The following RBFOX1 variants were observed in gnomAD, a reference collection of about 807,000 sequenced individuals.
RBFOX1 encodes the protein RNA binding fox-1 homolog 1.
A neutral mutation model predicts 57.7 loss-of-function variants in RBFOX1; 8 were observed. The ratio of observed to expected loss-of-function variants is 0.14; its 90% confidence interval spans 0.08 to 0.25. The LOEUF (loss-of-function observed/expected upper bound fraction) is 0.25. Ranked by LOEUF, RBFOX1 falls within the 10% of genes least tolerant of loss-of-function variation. RBFOX1 has a pLI of 1.00. For missense variants in RBFOX1, 611 were observed against 548.5 expected, an observed-to-expected ratio of 1.11 and a Z score of -1.14; for synonymous variants, 326 against 222.4, an observed-to-expected ratio of 1.47 and a Z score of -4.15.
intron 1 of RBFOX1, among the ~76,000 whole-genome samples, chr16:5,371,055 C>T (rs1208201208): frequency 1.3e-5 from 2 of 152,242 alleles, no homozygotes; most frequent in African/African-American, 4.8e-5. Context: ...TCAGGCGATT[C>T]TCCTGCCTTA....
intron 4 of RBFOX1, among the ~76,000 whole-genome samples, chr16:7,479,216 C>G (rs137892400): frequency 6.7e-6 from 1 of 150,372 alleles, no homozygotes; most frequent in Non-Finnish European, 1.5e-5. Flanking sequence ...TTCTGCCTCC[C>G]GAGTTGAGGC....
chr16:6,687,505 AT>A (rs1442920202), intron 3 of RBFOX1, among the ~76,000 whole-genome samples: 3 of 152,350 alleles, frequency 2.0e-5, no homozygotes, highest in African/African-American at 7.2e-5. Flanking sequence ...GCTAGTCAGG[AT>A]AAGCTAGTCT....
intron 3 of RBFOX1, among the ~76,000 whole-genome samples, chr16:6,779,743 TTATATATACTTTTATATATTTA>T (rs2080045284): frequency 9.2e-5 from 4 of 43,660 alleles, no homozygotes; most frequent in African/African-American, 3.4e-4. Context: ...TTATATATTT[TTATATATACTTTTATATATTTA>T]TATATATATT....
chr16:5,339,335 A>C (rs2064976786), intron 1 of RBFOX1, among the ~76,000 whole-genome samples: 1 of 152,054 alleles, frequency 6.6e-6, no homozygotes, highest in Non-Finnish European at 1.5e-5. Flanking sequence ...GCTAATTTAA[A>C]CTAGTTCAGT....
intron 3 of RBFOX1, among the ~76,000 whole-genome samples, chr16:6,930,822 G>A (rs1170313847): frequency 3.3e-5 from 5 of 152,036 alleles, no homozygotes; most frequent in East Asian, 3.9e-4. Context: ...ATGAGCAAAT[G>A]TCATCTTGTA....
At chr16:5,263,382 AT>A (rs1314751677) in intron 1 of RBFOX1, among the ~76,000 whole-genome samples, 1 of 152,154 alleles carries the variant, frequency 6.6e-6, no homozygotes, top group Non-Finnish European at 1.5e-5. Context: ...CAACAGAGGG[AT>A]TGATGAAGAT....
intron 2 of RBFOX1, among the ~76,000 whole-genome samples, chr16:5,481,844 G>A (rs1025716375): frequency 6.6e-6 from 1 of 152,134 alleles, no homozygotes; most frequent in Non-Finnish European, 1.5e-5. Flanking sequence ...TCTCCACATG[G>A]TCTTCCCTCT....
chr16:6,466,646 G>A (rs1182914262), intron 2 of RBFOX1, among the ~76,000 whole-genome samples: 1 of 152,136 alleles, frequency 6.6e-6, no homozygotes, highest in Non-Finnish European at 1.5e-5. Context: ...GAGGGATAAA[G>A]AATGTATGTG....
chr16:6,473,430 A>G (rs1206620145), intron 2 of RBFOX1, among the ~76,000 whole-genome samples: 2 of 152,042 alleles, frequency 1.3e-5, no homozygotes, highest in African/African-American at 4.8e-5. Context: ...ACTCACCCCC[A>G]TTTCATCACA....
At chr16:6,208,626 G>A (rs1427006259) in intron 1 of RBFOX1, among the ~76,000 whole-genome samples, 1 of 152,162 alleles carries the variant, frequency 6.6e-6, no homozygotes, top group Non-Finnish European at 1.5e-5. Flanking sequence ...GAAGAAATAC[G>A]TAGCGCTGCA....
rs556217802 is a variant in RBFOX1 at position 5,357,281 on chromosome 16, AG to A, written c.220-109934del. On this transcript the variant is annotated intron_variant, in intron 1 of 2. Coordinates refer to the RBFOX1 transcript ENST00000585867. The stretch of plus-strand genomic sequence containing the variant: ...TAGCTGATTGGCTTATGGCTGAACC[AG>A]TCAGAGACCTGTAATCAAATATGGC... Among the ~76,000 whole-genome samples the A allele has an allele frequency of 5.4e-3, 817 of 152,368 alleles. 5 individuals carry two copies. The highest frequency in any genetic ancestry group is 8.3e-3 in the Non-Finnish European group (567 of 68,034).
At chr16:7,434,660 T>C (rs961709942) in intron 4 of RBFOX1, among the ~76,000 whole-genome samples, 1 of 152,152 alleles carries the variant, frequency 6.6e-6, no homozygotes, top group African/African-American at 2.4e-5. Flanking sequence ...AGAATACTTT[T>C]ACATTTACAG....
intron 10 of RBFOX1, among the ~76,000 whole-genome samples, chr16:7,627,600 A>T (rs1257032305): frequency 1.3e-5 from 2 of 152,210 alleles, no homozygotes; most frequent in African/African-American, 2.4e-5. Context: ...AGCTATATTG[A>T]GAAGTGCTTT....
intron 2 of RBFOX1, among the ~76,000 whole-genome samples, chr16:6,624,336 G>T (rs991689963): frequency 3.9e-5 from 6 of 152,076 alleles, no homozygotes; most frequent in Non-Finnish European, 8.8e-5. Context: ...ACTGTCCCTT[G>T]CCTACTTTAA....
chr16:7,316,425 A>G (rs1356064017), intron 4 of RBFOX1, among the ~76,000 whole-genome samples: 1 of 152,180 alleles, frequency 6.6e-6, no homozygotes, highest in Non-Finnish European at 1.5e-5. Flanking sequence ...AGTCACCTCA[A>G]ATCTGATTAT....
At chr16:5,965,497 A>T (rs967290454) in intron 4 of RBFOX1, among the ~76,000 whole-genome samples, 6 of 152,194 alleles carry the variant, frequency 3.9e-5, no homozygotes, top group Admixed American at 3.3e-4. Context: ...GCATGCTTCA[A>T]CTCAGGCAGA....
intron 9 of RBFOX1, among the ~76,000 whole-genome samples, chr16:7,600,056 CAAAA>C (rs1383984793): frequency 6.6e-6 from 1 of 152,056 alleles, no homozygotes; most frequent in Admixed American, 6.5e-5. Flanking sequence ...ACTACAATAA[CAAAA>C]AAATTATTAA....
intron 2 of RBFOX1, among the ~76,000 whole-genome samples, chr16:6,408,608 C>G (rs1425706389): frequency 6.6e-6 from 1 of 152,160 alleles, no homozygotes; most frequent in Non-Finnish European, 1.5e-5. Context: ...GAAGTGTCCT[C>G]TGTTCTTAGG....
chr16:5,866,289 G>C (rs933148893), intron 3 of RBFOX1, among the ~76,000 whole-genome samples: 1 of 152,122 alleles, frequency 6.6e-6, no homozygotes, highest in African/African-American at 2.4e-5. Flanking sequence ...TCTTTGATGG[G>C]CACTAATCCC....
Sources: gnomAD v4.1 joint callset for allele counts (sites outside exome capture counted in the v4.1 genomes callset) on GRCh38, gnomAD v4.1.1 for gene constraint, MANE v1.5 for transcripts, NCBI Gene and HGNC (gene_info 2026-07-23, HGNC 2026-07-21) for gene names.